Variants in OCEL1 observed in about 807,000 individuals in gnomAD.
OCEL1 encodes the protein occludin/ELL domain containing 1, also known as occludin/ELL domain-containing protein 1.
OCEL1 carries 24 observed loss-of-function variants against 29.4 expected under a neutral mutation model. That is an observed-to-expected ratio of 0.82 (90% confidence interval 0.59 to 1.15). The LOEUF is 1.15. Among genes scored for constraint, OCEL1 ranks in the 50% most tolerant of loss-of-function variants. The pLI, the probability that OCEL1 is intolerant of heterozygous loss-of-function variation, is 0.00. For synonymous variants in OCEL1, 172 were observed against 145.3 expected (o/e 1.18, Z -1.32); for missense variants, 402 against 352.5 (o/e 1.14, Z -1.13).
rs751267808 is a variant in OCEL1, at chr19:17,228,791, C to T, written c.673-12C>T. On this transcript the variant is annotated splice_polypyrimidine_tract_variant and intron_variant, in intron 5 of 5. Transcript: ENST00000215061. Reference sequence around the variant, plus strand: ...GACTGCTGCAAAGACTTCCGGGTCTCGCCCTGCCTAGGATCCTGGCTTCCT... The same window carrying T: ...GACTGCTGCAAAGACTTCCGGGTCTTGCCCTGCCTAGGATCCTGGCTTCCT... The T allele has an allele frequency of 3.1e-5, 50 of 1,611,386 alleles. No homozygotes were observed. The highest frequency in any genetic ancestry group is 3.7e-5 in the Non-Finnish European group (44 of 1,179,424).
At position 17,228,968 on chromosome 19, in the gene OCEL1, C is replaced by T; in HGVS notation, c.*43C>T. 1 of 1,589,790 alleles carries T rather than the reference C, an allele frequency of 6.3e-7. No individual in the cohort carries two copies. The highest frequency in any genetic ancestry group is 1.7e-4 in the Middle Eastern group (1 of 5,892). On this transcript the variant is annotated 3_prime_UTR_variant, in exon 6 of 6. Coordinates refer to ENST00000215061, the MANE Select transcript of OCEL1 (RefSeq NM_024578.3). The stretch of plus-strand genomic sequence containing the variant: ...CAGAGGGATGCATGGGGATGCAGGT[C>T]CCTTGCATTTCTTGGTATCTCTCAG...
intron 5 of OCEL1, 74 bp downstream of exon 5, chr19:17,228,383 T>TA: frequency 6.9e-7 from 1 of 1,439,814 alleles, no homozygotes; most frequent in Non-Finnish European, 9.5e-7. Flanking sequence ...GTGCCCAGTT[T>TA]CTTTTTTTTT....
intron 1 of OCEL1, 47 bp from the exon 2 acceptor site, chr19:17,226,646 C>T: frequency 7.0e-7 from 1 of 1,424,224 alleles, no homozygotes; most frequent in Non-Finnish European, 9.1e-7. Flanking sequence ...CGCGTCCTTT[C>T]TCCGTGCGCG....
chr19:17,226,371 A>AG, intron 1 of OCEL1, 55 bp downstream of exon 1: 1 of 1,583,490 alleles, frequency 6.3e-7, no homozygotes, highest in Middle Eastern at 1.7e-4. Context: ...GGAGGTCCCG[A>AG]GGAGCTCCTC....
Position 17,227,099 on chromosome 19 carries a change from G to A in OCEL1, c.352G>A (p.Asp118Asn). The change falls in exon 3 of 6, where the codon GAT (aspartate) becomes AAT (asparagine). Residue 118 changes from aspartate to asparagine, a missense_variant. Physicochemically the swap from Asp to Asn is conservative, Grantham distance 23 (BLOSUM62 1). Transcript: ENST00000215061. Reference protein sequence around the residue: ...KAKTKKIVFEDELLSQALLGA... With the variant: ...KAKTKKIVFENELLSQALLGA... Reference sequence around the variant, plus strand: ...AAAGACCAAGAAGATTGTGTTTGAGGATGAGTTGCTCTCCCAGGCCCTCCT... The same window carrying A: ...AAAGACCAAGAAGATTGTGTTTGAGAATGAGTTGCTCTCCCAGGCCCTCCT... 3 of 1,608,586 alleles carry A rather than the reference G, an allele frequency of 1.9e-6. No homozygotes were observed. Among genetic ancestry groups the A allele is most frequent in the Non-Finnish European group, 1.7e-6 (2 of 1,178,980 alleles).
intron 3 of OCEL1, among the ~76,000 whole-genome samples, chr19:17,227,552 A>T (rs1465175337): frequency 6.6e-6 from 1 of 152,080 alleles, no homozygotes; most frequent in East Asian, 1.9e-4. Context: ...TTAGCTGGAT[A>T]TAGTGGCGCA....
rs528328470 is a variant in OCEL1, at chr19:17,228,613, A to G, written c.673-190A>G. On this transcript the variant is annotated intron_variant, in intron 5 of 5. Transcript: ENST00000215061. ...GGTCTCGAACTCCTGACCTCAAGTG[A>G]TCCGCCCACCTCGGCCTCCCAGACT... The G allele has an allele frequency of 2.5e-5, 17 of 678,870 alleles. No homozygotes were observed. In the African/African-American group the frequency reaches 2.9e-4, roughly 12 times the overall value. The allele number at this position is 678,870 out of a possible 1,614,324, so 42.1% of individuals were successfully genotyped here. A position where few individuals can be genotyped will look rare whatever the true frequency, so the allele number is the denominator to read the frequency against.
At position 17,226,766 on chromosome 19, in the gene OCEL1, C is replaced by G; in HGVS notation, c.143C>G (p.Pro48Arg). 1 of 1,593,104 alleles carries G rather than the reference C, an allele frequency of 6.3e-7. No individual in the cohort carries two copies. The highest frequency in any genetic ancestry group is 8.5e-7 in the Non-Finnish European group (1 of 1,173,880). ...AGGACCCGCCCATCAGCCCGGAAACCCCTGAGCTGCTTCTCCCGGAGGCCG... is the reference window on the plus strand; with the variant it reads ...AGGACCCGCCCATCAGCCCGGAAACGCCTGAGCTGCTTCTCCCGGAGGCCG... ...PRRTRPSARK[P>R]LSCFSRRPMP... is the part of the protein sequence containing the mutation. The change falls in exon 2 of 6, where the codon CCC (proline) becomes CGC (arginine). Residue 48 changes from proline to arginine, a missense_variant. Transcript: ENST00000215061.
chr19:17,228,087 AT>A, intron 4 of OCEL1, 82 bp downstream of exon 4: 2 of 1,563,852 alleles, frequency 1.3e-6, no homozygotes, highest in Non-Finnish European at 8.7e-7. Flanking sequence ...CTGGGTCCAG[AT>A]TTCCAGGACT....
At chr19:17,228,231 C>T in intron 4 of OCEL1, 25 bp from the exon 5 acceptor site, 1 of 1,613,708 alleles carries the variant, frequency 6.2e-7, no homozygotes, top group South Asian at 1.1e-5. Context: ...CTCCCTAAAC[C>T]CCCTTTCTAC....
In OCEL1 at chr19:17,228,974, C is replaced by CATTT; in HGVS notation, c.*50_*53dup. On this transcript the variant is annotated 3_prime_UTR_variant, in exon 6 of 6. Transcript: ENST00000215061. ...GATGCATGGGGATGCAGGTCCCTTG[C>CATTT]ATTTCTTGGTATCTCTCAGCTTTTC... 2 of 1,584,860 alleles carry CATTT rather than the reference C, an allele frequency of 1.3e-6. No homozygotes were observed. The highest frequency in any genetic ancestry group is 1.7e-6 in the Non-Finnish European group (2 of 1,164,624).
At chr19:17,228,761 G>C (rs1234119321) in intron 5 of OCEL1, 42 bp from the exon 6 acceptor site, 1 of 1,604,444 alleles carries the variant, frequency 6.2e-7, no homozygotes, top group Non-Finnish European at 8.5e-7. Context: ...GAAGGCCACA[G>C]GGCAGACTGC....
At chr19:17,228,085 A>C (rs2073378690) in intron 4 of OCEL1, 80 bp downstream of exon 4, 1 of 1,565,284 alleles carries the variant, frequency 6.4e-7, no homozygotes, top group Admixed American at 1.8e-5. Flanking sequence ...CACTGGGTCC[A>C]GATTTCCAGG....
In OCEL1 at chr19:17,229,010, T is replaced by A. The variant is rs779419340; in HGVS notation, c.*85T>A. On this transcript the variant is annotated 3_prime_UTR_variant, in exon 6 of 6. Coordinates refer to ENST00000215061, the MANE Select transcript of OCEL1 (RefSeq NM_024578.3). ...ATCTCTCAGCTTTTCCTCTTGCAGC[T>A]CCCCCTACCAGGGGTCGCTTTCTCC... The A allele has an allele frequency of 1.4e-5, 21 of 1,495,122 alleles. No individual in the cohort carries two copies. Among genetic ancestry groups the A allele is most frequent in the Non-Finnish European group, 1.9e-5 (21 of 1,107,660 alleles). The allele number at this position is 1,495,122 out of a possible 1,614,324, so 92.6% of individuals were successfully genotyped here.
intron 3 of OCEL1, 93 bp downstream of exon 3, chr19:17,227,292 G>C: frequency 8.3e-7 from 1 of 1,204,040 alleles, no homozygotes; most frequent in Non-Finnish European, 1.1e-6. Flanking sequence ...TTACCAAAGA[G>C]TAGAAAGGAA....
In OCEL1 at chr19:17,228,073, C is replaced by T. The variant is rs2073378604; in HGVS notation, c.618+68C>T. 9 of 1,573,794 alleles carry T rather than the reference C, an allele frequency of 5.7e-6. No individual in the cohort carries two copies. The South Asian group carries it at 1.0e-4, about 18-fold the overall frequency. On this transcript the variant is annotated intron_variant, in intron 4 of 5. Coordinates refer to ENST00000215061, the MANE Select transcript of OCEL1 (RefSeq NM_024578.3). ...TGGCCCGACCCAAGCCTCTGGGACA[C>T]CCACTGGGTCCAGATTTCCAGGACT...
At chr19:17,226,450 A>C (rs1249577721) in intron 1 of OCEL1, 134 bp downstream of exon 1, 1 of 1,115,974 alleles carries the variant, frequency 9.0e-7, no homozygotes, top group Non-Finnish European at 1.3e-6. Context: ...GGTTAACTCG[A>C]GCCGGTCCCA....
At position 17,227,081 on chromosome 19, in the gene OCEL1, A is replaced by G. The variant is rs2073368948; in HGVS notation, c.334A>G (p.Lys112Glu). 1 of 1,608,822 alleles carries G rather than the reference A, an allele frequency of 6.2e-7. No homozygotes were observed. Among genetic ancestry groups the G allele is most frequent in the Admixed American group, 1.7e-5 (1 of 58,076 alleles). Residue 112 changes from lysine (K) to glutamate (E), a missense_variant, in exon 3 of 6, where the codon AAG (lysine) becomes GAG (glutamate). By Grantham distance (56) the Lys-to-Glu change is moderately conservative. Transcript: ENST00000215061. ...GCCGGGACCCCACAAGGCAAAGACC[A>G]AGAAGATTGTGTTTGAGGATGAGTT... The part of the protein sequence containing the change: ...PQPGPHKAKT[K>E]KIVFEDELLS...
At position 17,229,152 on chromosome 19, in the gene OCEL1, C is replaced by T; in HGVS notation, c.*227C>T. The T allele has an allele frequency of 2.4e-6, 1 of 413,108 alleles. No homozygotes were observed. Among genetic ancestry groups the T allele is most frequent in the African/African-American group, 2.0e-5 (1 of 50,426 alleles). The allele number at this position is 413,108 out of a possible 1,614,324, so 25.6% of individuals were successfully genotyped here. A position where few individuals can be genotyped will look rare whatever the true frequency, so the allele number is the denominator to read the frequency against. On this transcript the variant is annotated 3_prime_UTR_variant, in exon 6 of 6. Coordinates refer to ENST00000215061, the MANE Select transcript of OCEL1 (RefSeq NM_024578.3). ...CTCTGACCCTACAGGGACTCCAGAT[C>T]TCAACCTGTTCCCTGGAAGTAGGGC...
Sources: allele counts gnomAD v4.1 joint callset (sites outside exome capture counted in the v4.1 genomes callset), GRCh38; gene constraint gnomAD v4.1.1; transcripts MANE v1.5; gene names NCBI Gene and HGNC (gene_info 2026-07-23, HGNC 2026-07-21).